Variants in RCL1 observed in about 807,000 individuals in gnomAD.
RCL1 encodes RNA 3'-terminal phosphate cyclase-like protein.
A neutral mutation model predicts 42.4 loss-of-function variants in RCL1; 24 were observed. The observed-to-expected ratio is 0.57, with a 90% CI of 0.41 to 0.80. The LOEUF (loss-of-function observed/expected upper bound fraction) is 0.80. RCL1 is among the 30% of genes least tolerant of loss of function. The pLI, the probability that RCL1 is intolerant of heterozygous loss-of-function variation, is 0.00. For synonymous variants in RCL1, 228 were observed against 177.3 expected (o/e 1.29, Z -2.27); for missense variants, 578 against 467.9 (o/e 1.24, Z -2.17).
chr9:4,853,710 C>T (rs1817837346), intron 8 of RCL1, among the ~76,000 whole-genome samples: 1 of 152,194 alleles, frequency 6.6e-6, no homozygotes, highest in Non-Finnish European at 1.5e-5. Flanking sequence ...CATGCTACAT[C>T]TTTTCAGCAA....
At chr9:4,806,352 A>G (rs1045960314) in intron 1 of RCL1, among the ~76,000 whole-genome samples, 8 of 151,904 alleles carry the variant, frequency 5.3e-5, no homozygotes, top group Admixed American at 1.3e-4. Flanking sequence ...TATGTTAGCT[A>G]TATGTTTTAT....
At chr9:4,795,706 G>T (rs964159449) in intron 1 of RCL1, among the ~76,000 whole-genome samples, 1 of 152,166 alleles carries the variant, frequency 6.6e-6, no homozygotes, top group Non-Finnish European at 1.5e-5. Flanking sequence ...TCTCTTCAAG[G>T]TGCTTGCTTA....
At chr9:4,840,804 G>C (rs945979378) in intron 5 of RCL1, among the ~76,000 whole-genome samples, 8 of 152,134 alleles carry the variant, frequency 5.3e-5, no homozygotes, top group African/African-American at 1.7e-4. Context: ...CTGGGCTTAG[G>C]TTCTTAAGAG....
chr9:4,859,887 CT>C (rs991599645), intron 8 of RCL1, among the ~76,000 whole-genome samples: 4 of 152,118 alleles, frequency 2.6e-5, no homozygotes, highest in South Asian at 2.1e-4. Flanking sequence ...AACTTCTAAC[CT>C]TTCCCCCCCC....
intron 8 of RCL1, among the ~76,000 whole-genome samples, chr9:4,851,326 G>C (rs1338207392): frequency 6.6e-6 from 1 of 152,176 alleles, no homozygotes; most frequent in Non-Finnish European, 1.5e-5. Context: ...CTGCCTCCCA[G>C]AGCTTTGTGC....
At chr9:4,805,657 G>A (rs1414126865) in intron 1 of RCL1, among the ~76,000 whole-genome samples, 1 of 152,192 alleles carries the variant, frequency 6.6e-6, no homozygotes, top group Non-Finnish European at 1.5e-5. Flanking sequence ...GCAGGTAGCT[G>A]GTCAGGTGAC....
intron 3 of RCL1, among the ~76,000 whole-genome samples, chr9:4,830,981 A>G (rs1816924592): frequency 6.6e-6 from 1 of 152,160 alleles, no homozygotes. Flanking sequence ...TGCTAAAACT[A>G]GAATGTGCAA....
At chr9:4,835,940 A>G (rs1342339865) in intron 5 of RCL1, among the ~76,000 whole-genome samples, 1 of 152,100 alleles carries the variant, frequency 6.6e-6, no homozygotes, top group Non-Finnish European at 1.5e-5. Context: ...GGCATACGGT[A>G]AGGGTGGCTC....
chr9:4,830,434 TGAGCCTTATG>T (rs147613418), intron 3 of RCL1, among the ~76,000 whole-genome samples: 1,993 of 152,240 alleles, frequency 0.013, 21 homozygotes, highest in South Asian at 0.041. Context: ...GGTGATGGAA[TGAGCCTTATG>T]AAGAGGAAGA....
intron 1 of RCL1, among the ~76,000 whole-genome samples, chr9:4,812,074 T>C (rs1341944967): frequency 1.3e-5 from 2 of 152,232 alleles, no homozygotes; most frequent in East Asian, 1.9e-4. Context: ...ACTGGTGAGT[T>C]CCTTGTATAT....
intron 8 of RCL1, among the ~76,000 whole-genome samples, chr9:4,856,653 C>T (rs1000045818): frequency 6.6e-6 from 1 of 152,004 alleles, no homozygotes; most frequent in African/African-American, 2.4e-5. Flanking sequence ...TGGGAAAGAT[C>T]GTTTGGGGTA....
chr9:4,793,377 G>C (rs1161775331), intron 1 of RCL1, 150 bp downstream of exon 1: 2 of 865,972 alleles, frequency 2.3e-6, no homozygotes, highest in Non-Finnish European at 1.6e-6. Context: ...TCCAAAGCCG[G>C]AGGGGCAGGC....
intron 1 of RCL1, among the ~76,000 whole-genome samples, chr9:4,798,050 C>T (rs1306347439): frequency 1.3e-5 from 2 of 152,094 alleles, no homozygotes; most frequent in Admixed American, 6.5e-5. Context: ...GTAAAAAAGC[C>T]AACCCGTAGT....
At position 4,792,951 on chromosome 9, in the gene RCL1, G is replaced by A. The variant is rs1027638633; in HGVS notation, c.-141G>A. On this transcript the variant is annotated 5_prime_UTR_variant, in exon 1 of 9. The change creates a new upstream start codon in the 5' untranslated region. Coordinates refer to ENST00000381750, the MANE Select transcript of RCL1 (RefSeq NM_005772.5). ...TCTCCGTCTTCCTGTTCCAAACCAC[G>A]TGGACGCGTCTGGGCTGCTGGAGGC... 4.8e-6 allele frequency: 4 copies of A among 840,972 alleles called. No homozygotes were observed. The highest frequency in any genetic ancestry group is 1.9e-5 in the South Asian group (1 of 51,308). 52.1% of individuals were successfully genotyped at this position (840,972 alleles called of 1,614,324 possible).
intron 8 of RCL1, among the ~76,000 whole-genome samples, chr9:4,851,275 T>A (rs569834958): frequency 2.9e-4 from 44 of 152,330 alleles, no homozygotes; most frequent in African/African-American, 1.0e-3. Flanking sequence ...GCACAAATTG[T>A]AAGATGATGT....
chr9:4,815,474 A>G (rs890995857), intron 1 of RCL1, among the ~76,000 whole-genome samples: 1 of 151,394 alleles, frequency 6.6e-6, no homozygotes, highest in Admixed American at 6.6e-5. Context: ...TTGCAACTGC[A>G]AATTTTAAAA....
chr9:4,793,312 G>T (rs1000951120), intron 1 of RCL1, 85 bp downstream of exon 1: 7 of 1,408,888 alleles, frequency 5.0e-6, no homozygotes, highest in South Asian at 2.9e-5. Flanking sequence ...CGCGGTGTTG[G>T]TTGGGCGGCT....
At chr9:4,823,207 C>G (rs1816651788) in intron 1 of RCL1, among the ~76,000 whole-genome samples, 1 of 151,796 alleles carries the variant, frequency 6.6e-6, no homozygotes, top group Non-Finnish European at 1.5e-5. Flanking sequence ...GCATGTCCTC[C>G]TGAGTTCAGA....
intron 6 of RCL1, among the ~76,000 whole-genome samples, chr9:4,843,576 A>G (rs1256734419): frequency 6.6e-6 from 1 of 152,240 alleles, no homozygotes; most frequent in African/African-American, 2.4e-5. Context: ...CCTAATATAT[A>G]TTCTTTGTCT....
Sources: gnomAD v4.1 joint callset for allele counts (sites outside exome capture counted in the v4.1 genomes callset) on GRCh38, gnomAD v4.1.1 for gene constraint, MANE v1.5 for transcripts, NCBI Gene and HGNC (gene_info 2026-07-23, HGNC 2026-07-21) for gene names.